COL27A1: variants seen among roughly 807,000 people sequenced by gnomAD.
The protein encoded by COL27A1 is collagen type XXVII alpha 1 chain, also known as collagen alpha-1(XXVII) chain.
In COL27A1, 106 loss-of-function variants were observed where a neutral mutation model predicts 251.3. That is an observed-to-expected ratio of 0.42 (90% CI 0.36 to 0.50). The LOEUF (loss-of-function observed/expected upper bound fraction) is 0.50. COL27A1 is among the 20% of genes least tolerant of loss of function. The pLI is 0.00. For synonymous variants in COL27A1, 1,000 were observed against 986.3 expected, an observed-to-expected ratio of 1.01 and a Z score of -0.26; for missense variants, 2,325 against 2,522.8, an observed-to-expected ratio of 0.92 and a Z score of 1.68.
chr9:114,231,748 C>T (rs941130405), intron 15 of COL27A1, 74 bp from the exon 16 acceptor site: 111 of 1,472,870 alleles, frequency 7.5e-5, no homozygotes, highest in South Asian at 2.3e-4. Context: ...TGCAGCAAGT[C>T]GTGTTTAAGC....
rs149054135 is a variant in COL27A1 at position 114,257,372 on chromosome 9, G to A, written c.3142-1169G>A. On this transcript the variant is annotated intron_variant, in intron 27 of 60. Transcript: ENST00000356083. The stretch of plus-strand genomic sequence containing the variant: ...CTGGGCCTGGAATCGGGGTGGGGGC[G>A]GGGGAGACATTAGGCAGAGGGGTGG... Among the ~76,000 whole-genome samples the A allele has an allele frequency of 2.6e-3, 396 of 151,950 alleles. 2 individuals carry two copies. The highest frequency in any genetic ancestry group is 5.4e-3 in the African/African-American group (225 of 41,444).
rs1164984933 is a variant in COL27A1, at chr9:114,301,441, C to G, written c.4792-4C>G. The stretch of plus-strand genomic sequence containing the variant: ...CTCTCTCCCCTGCTTCTGTCTCCCT[C>G]CAGGGATTGCAAGGTCCGAGGGTGA... On this transcript the variant is annotated splice_polypyrimidine_tract_variant and splice_region_variant and intron_variant, in intron 53 of 60. Transcript: ENST00000356083. 6.2e-7 allele frequency: 1 copy of G among 1,611,890 alleles called. No individual in the cohort carries two copies.
intron 44 of COL27A1, 118 bp from the exon 45 acceptor site, chr9:114,289,123 GC>G: frequency 1.4e-6 from 2 of 1,382,112 alleles, no homozygotes; most frequent in Non-Finnish European, 2.0e-6. Context: ...CCCTGGGGAT[GC>G]CCCCAGAACC....
intron 2 of COL27A1, among the ~76,000 whole-genome samples, chr9:114,164,504 C>G (rs762116184): frequency 8.5e-5 from 13 of 152,190 alleles, no homozygotes; most frequent in Non-Finnish European, 1.9e-4. Flanking sequence ...TAGGGGAAAC[C>G]TCACCCATGC....
chr9:114,175,413 C>T (rs1239620994), intron 3 of COL27A1, among the ~76,000 whole-genome samples: 1 of 152,246 alleles, frequency 6.6e-6, no homozygotes, highest in Non-Finnish European at 1.5e-5. Flanking sequence ...GGTCTCGGAT[C>T]AGGGGAGAGG....
chr9:114,267,699 C>G (rs185692835), intron 34 of COL27A1, 142 bp downstream of exon 34: 1 of 808,666 alleles, frequency 1.2e-6, no homozygotes, highest in East Asian at 3.0e-5. Flanking sequence ...GGGAGTGGGG[C>G]CTGGTTAGGG....
intron 50 of COL27A1, 198 bp downstream of exon 50, chr9:114,300,321 T>G (rs1828530684): frequency 1.6e-6 from 1 of 616,794 alleles, no homozygotes; most frequent in Non-Finnish European, 2.8e-6. Flanking sequence ...ACCTGCTCTG[T>G]GCCTTGCAAA....
At position 114,247,540 on chromosome 9, in the gene COL27A1, G is replaced by A. The variant is rs139267970; in HGVS notation, c.2979+1630G>A. ...TCTGGGATTTATGGAGGAGAAGCAC[G>A]TTTGACCAAGATCACCAAGTGGGAT... On this transcript the variant is annotated intron_variant, in intron 24 of 60. Coordinates refer to ENST00000356083, the MANE Select transcript of COL27A1 (RefSeq NM_032888.4). 3.3e-4 allele frequency among the ~76,000 whole-genome samples: 50 copies of A among 152,334 alleles called. No homozygotes were observed. In the East Asian group the frequency reaches 6.7e-3, roughly 21 times the overall value.
At chr9:114,198,834 C>G (rs1402380749) in intron 7 of COL27A1, among the ~76,000 whole-genome samples, 1 of 152,206 alleles carries the variant, frequency 6.6e-6, no homozygotes, top group African/African-American at 2.4e-5. Flanking sequence ...CTCTGTCCCT[C>G]TCCTGCTGTG....
At chr9:114,272,786 T>C (rs939517669) in intron 36 of COL27A1, 2 of 152,214 alleles carry the variant, frequency 1.3e-5, no homozygotes, top group East Asian at 1.9e-4. Flanking sequence ...AACTATTCAG[T>C]AGCGGTAGCA....
chr9:114,201,684 C>T (rs1034730423), intron 7 of COL27A1, among the ~76,000 whole-genome samples: 8 of 152,204 alleles, frequency 5.3e-5, no homozygotes, highest in African/African-American at 9.7e-5. Flanking sequence ...TCAGTCCGTC[C>T]AGTGAGAAAG....
chr9:114,194,987 C>T (rs1230608832), intron 6 of COL27A1, among the ~76,000 whole-genome samples: 3 of 152,178 alleles, frequency 2.0e-5, no homozygotes, highest in Admixed American at 6.5e-5. Flanking sequence ...GGCCTTCATC[C>T]GTCTCTGAAG....
chr9:114,166,137 A>T (rs1018749378), intron 2 of COL27A1, among the ~76,000 whole-genome samples: 1 of 151,174 alleles, frequency 6.6e-6, no homozygotes, highest in Non-Finnish European at 1.5e-5. Context: ...TCATCCATTT[A>T]TCCATCCATC....
At chr9:114,263,025 G>A (rs1057403855) in intron 28 of COL27A1, among the ~76,000 whole-genome samples, 1 of 140,506 alleles carries the variant, frequency 7.1e-6, no homozygotes, top group Admixed American at 7.9e-5. Flanking sequence ...TGCAAGCTCC[G>A]CCTCCTGGGT....
At chr9:114,213,250 G>A (rs1310169895) in intron 12 of COL27A1, among the ~76,000 whole-genome samples, 1 of 152,144 alleles carries the variant, frequency 6.6e-6, no homozygotes, top group Non-Finnish European at 1.5e-5. Flanking sequence ...GACACAGCAA[G>A]GAATGTCAGC....
At chr9:114,275,588 T>G (rs1189041203) in intron 36 of COL27A1, 73 bp from the exon 37 acceptor site, 3 of 993,662 alleles carry the variant, frequency 3.0e-6, no homozygotes, top group East Asian at 2.7e-5. Context: ...AGCCCTGAGA[T>G]TTGGGGCCTC....
intron 5 of COL27A1, among the ~76,000 whole-genome samples, chr9:114,191,468 C>T (rs919238006): frequency 3.9e-5 from 6 of 152,070 alleles, no homozygotes; most frequent in Admixed American, 6.6e-5. Context: ...CATCCCAGTG[C>T]GTCCATGTGT....
intron 56 of COL27A1, among the ~76,000 whole-genome samples, chr9:114,302,739 A>AC (rs1386153564): frequency 6.9e-6 from 1 of 145,454 alleles, no homozygotes; most frequent in East Asian, 1.9e-4. Flanking sequence ...AAAAAAAAAA[A>AC]AACAAAGAGA....
At chr9:114,154,496 G>A (rs1848016905), upstream of COL27A1, among the ~76,000 whole-genome samples, 1 of 152,160 alleles carries the variant, frequency 6.6e-6, no homozygotes, top group African/African-American at 2.4e-5. The surrounding 1 kb of genome is among the most constrained non-coding windows in gnomAD (Gnocchi z 5.8). Flanking sequence ...GTGCACATGT[G>A]CGGTGGGCAC....
Sources: gnomAD v4.1 joint callset for allele counts (sites outside exome capture counted in the v4.1 genomes callset) on GRCh38, gnomAD v4.1.1 for gene constraint, Gnocchi (gnomAD v3.1) non-coding constraint, MANE v1.5 for transcripts, NCBI Gene and HGNC (gene_info 2026-07-23, HGNC 2026-07-21) for gene names.